TJP2: variants seen among roughly 807,000 people sequenced by gnomAD.
TJP2 encodes the protein Friedreich ataxia region gene X104 (tight junction protein ZO-2).
TJP2 carries 91 observed loss-of-function variants against 133.1 expected under a neutral mutation model. That is an observed-to-expected ratio of 0.68 (90% CI 0.58 to 0.81). The LOEUF (loss-of-function observed/expected upper bound fraction) is 0.81. Among genes scored for constraint, TJP2 ranks in the 40% least tolerant of loss-of-function variants. The probability of loss-of-function intolerance (pLI) is 0.00; values close to 1 mark genes in which losing one functional copy is unlikely to be tolerated. For synonymous variants in TJP2, 592 were observed against 583.4 expected, an observed-to-expected ratio of 1.01 and a Z score of -0.21; for missense variants, 1,541 against 1,565.6, an observed-to-expected ratio of 0.98 and a Z score of 0.26.
chr9:69,222,060 C>T (rs1272279846), intron 5 of TJP2, among the ~76,000 whole-genome samples: 6 of 149,216 alleles, frequency 4.0e-5, no homozygotes, highest in African/African-American at 7.4e-5. Context: ...TTAGTAGAGA[C>T]GGGGTTTCAC....
intron 1 of TJP2, among the ~76,000 whole-genome samples, chr9:69,210,282 CCGT>C: frequency 1.3e-5 from 1 of 76,856 alleles, no homozygotes; most frequent in Admixed American, 1.6e-4. Context: ...GAGTGAGACC[CCGT>C]CCCCCCCCCC....
intron 1 of TJP2, among the ~76,000 whole-genome samples, chr9:69,139,968 G>C (rs1258199002): frequency 6.6e-6 from 1 of 152,172 alleles, no homozygotes; most frequent in Non-Finnish European, 1.5e-5. Flanking sequence ...TCTAGAGCAA[G>C]TAGGCGACCG....
At chr9:69,230,673 G>C (rs117755997) in intron 11 of TJP2, among the ~76,000 whole-genome samples, 1 of 152,302 alleles carries the variant, frequency 6.6e-6, no homozygotes, top group South Asian at 2.1e-4. Flanking sequence ...CCCAGCCTCT[G>C]ATTAGTTCTG....
chr9:69,228,194 A>C (rs573264947), intron 9 of TJP2, 80 bp downstream of exon 9: 567 of 1,536,680 alleles, frequency 3.7e-4, no homozygotes, highest in Non-Finnish European at 3.8e-4. Context: ...GAGTGAAATC[A>C]TGTCCTTTGC....
chr9:69,138,916 C>CA (rs994506086), intron 1 of TJP2, among the ~76,000 whole-genome samples: 7 of 148,506 alleles, frequency 4.7e-5, no homozygotes, highest in Non-Finnish European at 8.9e-5. Context: ...GATTCCATCT[C>CA]AAAAAAAATA....
chr9:69,160,915 A>C (rs929236663), intron 2 of TJP2, among the ~76,000 whole-genome samples: 2 of 152,122 alleles, frequency 1.3e-5, no homozygotes, highest in African/African-American at 2.4e-5. Flanking sequence ...ATTACCTCCT[A>C]CTGGGTCCCT....
At chr9:69,207,688 T>C (rs182434880) in intron 1 of TJP2, among the ~76,000 whole-genome samples, 101 of 152,322 alleles carry the variant, frequency 6.6e-4, no homozygotes, top group African/African-American at 2.2e-3. Flanking sequence ...CTGCTGTCAT[T>C]CAGAGAGAGG....
chr9:69,229,073 G>A (rs2133335628), intron 9 of TJP2, 111 bp from the exon 10 acceptor site: 1 of 966,346 alleles, frequency 1.0e-6, no homozygotes, highest in Non-Finnish European at 1.7e-6. Flanking sequence ...TTTGTTTGTG[G>A]TGACATATGT....
chr9:69,254,510 T>C lies in TJP2; in HGVS notation c.*136T>C, dbSNP rs551984169. 1 of 1,155,740 alleles carries C rather than the reference T, an allele frequency of 8.7e-7. No individual in the cohort carries two copies. Among genetic ancestry groups the C allele is most frequent in the South Asian group, 1.3e-5 (1 of 77,470 alleles). 71.6% of individuals were successfully genotyped at this position (1,155,740 alleles called of 1,614,324 possible). A position where few individuals can be genotyped will look rare whatever the true frequency, so the allele number is the denominator to read the frequency against. ...TGGGACTCCAGCTCGTGTGTCCTCA[T>C]GGAGAACCCAGGGGACAGCTGGTGC... On this transcript the variant is annotated 3_prime_UTR_variant, in exon 23 of 23. Transcript: ENST00000377245.
intron 1 of TJP2, chr9:69,204,681 G>C (rs1377311803): frequency 2.7e-6 from 1 of 368,788 alleles, no homozygotes; most frequent in Non-Finnish European, 3.7e-6. Flanking sequence ...TTTAATTTCT[G>C]TGTAACATTA....
chr9:69,231,109 T>G (rs932702289), intron 11 of TJP2, among the ~76,000 whole-genome samples: 5 of 124,016 alleles, frequency 4.0e-5, no homozygotes, highest in African/African-American at 1.5e-4. Context: ...AGGGAACTGT[T>G]TTTTTTGTTT....
At chr9:69,184,636 T>A (rs1825726555) in intron 1 of TJP2, among the ~76,000 whole-genome samples, 1 of 152,192 alleles carries the variant, frequency 6.6e-6, no homozygotes, top group Non-Finnish European at 1.5e-5. Flanking sequence ...ATGGCATAGA[T>A]GCCACCTGGG....
At position 69,141,147 on chromosome 9, in the gene TJP2, G is replaced by A. The variant is rs549074943; in HGVS notation, c.-130-10504G>A. On this transcript the variant is annotated intron_variant, in intron 1 of 5. Transcript: ENST00000423935. ...ATTACAGGCGTGAGCCACTGCACCC[G>A]GCCTGAAAGTTTTTTATTTCTTAGG... is the stretch of plus-strand genomic sequence containing the variant. Among the ~76,000 whole-genome samples, 420 of 152,244 alleles carry A rather than the reference G, an allele frequency of 2.8e-3. 1 individual carries two copies. Among genetic ancestry groups the A allele is most frequent in the African/African-American group, 8.2e-3 (342 of 41,564 alleles).
At chr9:69,129,476 A>C (rs537981307) in intron 1 of TJP2, among the ~76,000 whole-genome samples, 33 of 152,248 alleles carry the variant, frequency 2.2e-4, no homozygotes, top group African/African-American at 7.7e-4. Context: ...GCACCACTGC[A>C]CTCCACCTGG....
chr9:69,241,342 CACG>C (rs1177829012), intron 17 of TJP2, among the ~76,000 whole-genome samples: 7 of 152,114 alleles, frequency 4.6e-5, no homozygotes, highest in African/African-American at 1.4e-4. Context: ...GTTGGGGCAA[CACG>C]AGGAGACTGC....
At chr9:69,181,230 T>C (rs1825474626) in intron 1 of TJP2, among the ~76,000 whole-genome samples, 3 of 148,662 alleles carry the variant, frequency 2.0e-5, no homozygotes, top group South Asian at 4.2e-4. Context: ...GTGACTCTAG[T>C]TTGCAATTTC....
At chr9:69,246,834 C>A in intron 18 of TJP2, 44 bp downstream of exon 18, 2 of 1,553,882 alleles carry the variant, frequency 1.3e-6, no homozygotes, top group South Asian at 1.1e-5. Context: ...AGTCCCTGTT[C>A]TGAAACTTTT....
At chr9:69,172,238 C>T (rs1394934037), upstream of TJP2, among the ~76,000 whole-genome samples, 2 of 152,234 alleles carry the variant, frequency 1.3e-5, no homozygotes, top group Non-Finnish European at 2.9e-5. Flanking sequence ...AATATATCAA[C>T]TGAACCGTGT....
At position 69,246,717 on chromosome 9, in the gene TJP2, A is replaced by T. The variant is rs773145015; in HGVS notation, c.2594A>T (p.Asp865Val). The T allele has an allele frequency of 1.9e-6, 3 of 1,614,146 alleles. No homozygotes were observed. The highest frequency in any genetic ancestry group is 2.5e-6 in the Non-Finnish European group (3 of 1,180,002). The change falls in exon 18 of 23, where the codon GAT becomes GTT. Residue 865 changes from aspartate (D) to valine (V), a missense_variant. Physicochemically the swap from Asp to Val is radical, Grantham distance 152 (BLOSUM62 -3). Coordinates refer to ENST00000377245, the MANE Select transcript of TJP2 (RefSeq NM_004817.4). Reference protein sequence around the residue: ...TATINLNSANDSWFGSLKDTI... With the variant: ...TATINLNSANVSWFGSLKDTI... ...ACAATCAACCTAAATTCAGCCAATG[A>T]TAGCTGGTTTGGCAGCTTAAAGGAC...
Sources: allele counts gnomAD v4.1 joint callset (sites outside exome capture counted in the v4.1 genomes callset), GRCh38; gene constraint gnomAD v4.1.1; transcripts MANE v1.5; gene names NCBI Gene and HGNC (gene_info 2026-07-23, HGNC 2026-07-21).